ROBO2: variants seen among roughly 807,000 people sequenced by gnomAD.
ROBO2 encodes the protein roundabout guidance receptor 2, also known as roundabout homolog 2.
ROBO2 carries 53 observed loss-of-function variants against 160.8 expected under a neutral mutation model. The observed-to-expected ratio is 0.33, with a 90% confidence interval of 0.26 to 0.41. The LOEUF (loss-of-function observed/expected upper bound fraction) is 0.41. Ranked by LOEUF, ROBO2 falls within the 10% of genes least tolerant of loss-of-function variation. ROBO2 has a pLI of 1.00. For missense variants in ROBO2, 1,577 were observed against 1,722.4 expected (o/e 0.92, Z 1.49); for synonymous variants, 664 against 611.7 (o/e 1.09, Z -1.26).
At chr3:76,283,639 G>T (rs1054322852) in intron 2 of ROBO2, among the ~76,000 whole-genome samples, 11 of 152,064 alleles carry the variant, frequency 7.2e-5, no homozygotes, top group Admixed American at 2.6e-4. Context: ...CATTAATAAG[G>T]AGAGGCAGCA....
chr3:77,316,746 A>C, intron 2 of ROBO2: 3 of 950,262 alleles, frequency 3.2e-6, no homozygotes, highest in Non-Finnish European at 5.2e-6. Flanking sequence ...ATTGTATGGT[A>C]TTCATTCATG....
chr3:76,266,848 A>T (rs1278662039), intron 2 of ROBO2, among the ~76,000 whole-genome samples: 1 of 152,168 alleles, frequency 6.6e-6, no homozygotes, highest in Non-Finnish European at 1.5e-5. Flanking sequence ...GAGTATCTGT[A>T]AAACCCCATG....
At chr3:75,953,276 C>A (rs1483033614) in intron 2 of ROBO2, among the ~76,000 whole-genome samples, 8 of 151,912 alleles carry the variant, frequency 5.3e-5, no homozygotes, top group Admixed American at 2.6e-4. Flanking sequence ...TTGGTATTAT[C>A]AGACTTTTGG....
intron 1 of ROBO2, among the ~76,000 whole-genome samples, chr3:77,080,223 G>T (rs372845636): frequency 2.0e-5 from 3 of 152,230 alleles, no homozygotes; most frequent in East Asian, 3.9e-4. Flanking sequence ...CGTAAGTCAC[G>T]TACCTATTCA....
At chr3:76,695,416 T>G (rs2092906735) in intron 2 of ROBO2, among the ~76,000 whole-genome samples, 1 of 152,174 alleles carries the variant, frequency 6.6e-6, no homozygotes, top group African/African-American at 2.4e-5. Context: ...TTCTCAGGCT[T>G]GTTTTTTTTT....
intron 2 of ROBO2, among the ~76,000 whole-genome samples, chr3:76,085,836 C>T (rs1301747818): frequency 6.6e-6 from 1 of 152,146 alleles, no homozygotes; most frequent in African/African-American, 2.4e-5. Context: ...AAAGGGCCCC[C>T]ACACTTTTGT....
intron 2 of ROBO2, among the ~76,000 whole-genome samples, chr3:76,721,181 C>T (rs1426431878): frequency 6.6e-6 from 1 of 152,138 alleles, no homozygotes; most frequent in Non-Finnish European, 1.5e-5. Flanking sequence ...TATCTAAAAT[C>T]TAAAATCTCT....
chr3:75,930,022 C>G (rs1396449252), intron 1 of ROBO2, among the ~76,000 whole-genome samples: 1 of 152,190 alleles, frequency 6.6e-6, no homozygotes, highest in African/African-American at 2.4e-5. Context: ...GGCTTTAGAT[C>G]TTTTGCTCAA....
At chr3:76,529,100 G>GCT (rs2082096165) in intron 2 of ROBO2, among the ~76,000 whole-genome samples, 2 of 152,144 alleles carry the variant, frequency 1.3e-5, no homozygotes, top group African/African-American at 4.8e-5. Context: ...ACTGTTGACA[G>GCT]CTCTTCTGAA....
At position 76,945,046 on chromosome 3, in the gene ROBO2, G is replaced by T. The variant is rs555347658; in HGVS notation, c.110-152968G>T. 6.6e-5 allele frequency among the ~76,000 whole-genome samples: 10 copies of T among 150,998 alleles called. No homozygotes were observed. The East Asian group carries it at 1.8e-3, about 27-fold the overall frequency. On this transcript the variant is annotated intron_variant, in intron 2 of 26. Coordinates refer to the ROBO2 transcript ENST00000487694. ...TGGGACTACAGGCGCCCGCCACCAC[G>T]CCCGGCTAATTTTTTGTACTTTTAG...
chr3:76,144,573 G>C (rs1225010954), intron 2 of ROBO2, among the ~76,000 whole-genome samples: 1 of 151,988 alleles, frequency 6.6e-6, no homozygotes, highest in Non-Finnish European at 1.5e-5. Flanking sequence ...GACACAATTG[G>C]ACTTTTAAAA....
chr3:77,573,471 G>A (rs147836290), intron 13 of ROBO2, among the ~76,000 whole-genome samples: 37 of 152,052 alleles, frequency 2.4e-4, no homozygotes, highest in Non-Finnish European at 4.3e-4. Context: ...GCTTCTTACT[G>A]TATCTTAAAT....
chr3:76,455,637 G>A (rs1374305234), intron 2 of ROBO2, among the ~76,000 whole-genome samples: 3 of 152,000 alleles, frequency 2.0e-5, no homozygotes, highest in Non-Finnish European at 2.9e-5. Flanking sequence ...TAAATGTTAT[G>A]CATTACCGTA....
intron 2 of ROBO2, among the ~76,000 whole-genome samples, chr3:77,243,877 C>T (rs1465394031): frequency 6.6e-6 from 1 of 152,148 alleles, no homozygotes. Flanking sequence ...ATATAAGTTT[C>T]CCTGGCATTC....
At chr3:77,420,238 T>C (rs547500508) in intron 2 of ROBO2, among the ~76,000 whole-genome samples, 2 of 149,144 alleles carry the variant, frequency 1.3e-5, no homozygotes, top group African/African-American at 5.1e-5. Context: ...ATATTTAAGG[T>C]AACTATTTTA....
chr3:76,860,307 A>T (rs953906132), intron 2 of ROBO2, among the ~76,000 whole-genome samples: 1 of 152,166 alleles, frequency 6.6e-6, no homozygotes, highest in Non-Finnish European at 1.5e-5. Flanking sequence ...TCTAATTTCA[A>T]ATTTTCACCA....
At chr3:76,232,373 T>C (rs1290536451) in intron 2 of ROBO2, among the ~76,000 whole-genome samples, 1 of 152,178 alleles carries the variant, frequency 6.6e-6, no homozygotes, top group Admixed American at 6.5e-5. Flanking sequence ...ACACGGTCAA[T>C]ACAGATCAAC....
At chr3:76,407,891 C>T (rs1366037319) in intron 2 of ROBO2, among the ~76,000 whole-genome samples, 1 of 151,860 alleles carries the variant, frequency 6.6e-6, no homozygotes, top group Non-Finnish European at 1.5e-5. Context: ...AGCCCAACAA[C>T]ATGTTGTAAC....
chr3:77,159,989 C>G (rs952416573), intron 2 of ROBO2, among the ~76,000 whole-genome samples: 2 of 152,070 alleles, frequency 1.3e-5, no homozygotes, highest in African/African-American at 4.8e-5. Context: ...ATCCCCTTGC[C>G]TCTTCATTAG....
Sources: allele counts gnomAD v4.1 joint callset (sites outside exome capture counted in the v4.1 genomes callset), GRCh38; gene constraint gnomAD v4.1.1; transcripts MANE v1.5; gene names NCBI Gene and HGNC (gene_info 2026-07-23, HGNC 2026-07-21).